The following MKLN1 variants were observed in gnomAD, a reference collection of about 807,000 sequenced individuals.
MKLN1 encodes muskelin.
MKLN1 carries 18 observed loss-of-function variants against 99.0 expected under a neutral mutation model. The ratio of observed to expected loss-of-function variants is 0.18; its 90% CI spans 0.13 to 0.27. The LOEUF is 0.27. Among genes scored for constraint, MKLN1 ranks in the 10% least tolerant of loss-of-function variants. The pLI, the probability that MKLN1 is intolerant of heterozygous loss-of-function variation, is 1.00. For synonymous variants in MKLN1, 288 were observed against 293.2 expected (o/e 0.98, Z 0.18); for missense variants, 621 against 875.9 (o/e 0.71, Z 3.67).
intron 15 of MKLN1, among the ~76,000 whole-genome samples, chr7:131,468,619 G>A (rs1475312373): frequency 2.0e-5 from 3 of 151,926 alleles, no homozygotes; most frequent in Non-Finnish European, 2.9e-5. Flanking sequence ...TTTTTCATAC[G>A]ACATTCAGGT....
chr7:131,440,390 A>C (rs1171987779), intron 10 of MKLN1, among the ~76,000 whole-genome samples: 2 of 152,192 alleles, frequency 1.3e-5, no homozygotes, highest in African/African-American at 4.8e-5. Flanking sequence ...GTAGCAACAG[A>C]GGAAGGAGTT....
chr7:131,140,693 C>T (rs1162769195), intron 1 of MKLN1, among the ~76,000 whole-genome samples: 2 of 152,120 alleles, frequency 1.3e-5, no homozygotes, highest in African/African-American at 4.8e-5. Context: ...GAACTGTGAG[C>T]CAAATAAACC....
intron 10 of MKLN1, among the ~76,000 whole-genome samples, chr7:131,442,322 C>T (rs1025749867): frequency 2.0e-5 from 3 of 152,100 alleles, no homozygotes; most frequent in Admixed American, 6.5e-5. Context: ...CCGAGGCAGG[C>T]GGATCACCTG....
At chr7:131,220,804 C>G (rs1378839470) in intron 3 of MKLN1, among the ~76,000 whole-genome samples, 1 of 152,138 alleles carries the variant, frequency 6.6e-6, no homozygotes, top group South Asian at 2.1e-4. Context: ...TCTGGAGGAA[C>G]AGAGAGGGTA....
Position 131,470,946 on chromosome 7 carries a change from TAAAG to T in MKLN1, c.2031+7_2031+10del, listed in dbSNP as rs756424157. 6.4e-7 allele frequency: 1 copy of T among 1,561,948 alleles called. No homozygotes were observed. The highest frequency in any genetic ancestry group is 8.8e-7 in the Non-Finnish European group (1 of 1,141,488). ...TCAGACCCAGAAGAGACAAAAGAGG[TAAAG>T]AAAGGTGGTAATAAATTTCAGAAAT... On this transcript the variant is annotated splice_donor_5th_base_variant and intron_variant, in intron 16 of 17. Coordinates refer to ENST00000352689, the MANE Select transcript of MKLN1 (RefSeq NM_013255.5).
chr7:131,206,927 C>T (rs1410341637), intron 3 of MKLN1, among the ~76,000 whole-genome samples: 1 of 152,044 alleles, frequency 6.6e-6, no homozygotes, highest in African/African-American at 2.4e-5. Context: ...TAAAATGTTG[C>T]CAAGGCTGAT....
At chr7:131,337,884 A>G (rs1584620182) in intron 1 of MKLN1, among the ~76,000 whole-genome samples, 1 of 152,160 alleles carries the variant, frequency 6.6e-6, no homozygotes, top group Middle Eastern at 3.4e-3. Context: ...TTAGATACAA[A>G]TTTTGTATCT....
At chr7:131,110,966 G>A (rs1795186794) in intron 1 of MKLN1, among the ~76,000 whole-genome samples, 1 of 152,162 alleles carries the variant, frequency 6.6e-6, no homozygotes, top group African/African-American at 2.4e-5. Context: ...TTTGCCACAG[G>A]GGATTCAGAA....
chr7:131,204,971 A>C (rs1584832370), intron 3 of MKLN1, among the ~76,000 whole-genome samples: 1 of 148,728 alleles, frequency 6.7e-6, no homozygotes, highest in Non-Finnish European at 1.5e-5. Flanking sequence ...GGTGGTGGGC[A>C]CCTGTAACCC....
At chr7:131,199,616 C>CT (rs1258593517) in intron 2 of MKLN1, among the ~76,000 whole-genome samples, 1 of 152,142 alleles carries the variant, frequency 6.6e-6, no homozygotes, top group African/African-American at 2.4e-5. Context: ...CTGAGAAGGC[C>CT]TTTATATATC....
At chr7:131,463,423 T>G in intron 13 of MKLN1, 59 bp downstream of exon 13, 2 of 1,518,366 alleles carry the variant, frequency 1.3e-6, no homozygotes, top group Non-Finnish European at 1.8e-6. Context: ...GGTTGTTGGT[T>G]TATTCAAAAA....
intron 1 of MKLN1, among the ~76,000 whole-genome samples, chr7:131,357,963 T>C (rs1234279581): frequency 6.6e-6 from 1 of 152,170 alleles, no homozygotes; most frequent in Non-Finnish European, 1.5e-5. Flanking sequence ...TTTCCAGGAG[T>C]TCATCAGTTC....
At chr7:131,220,206 T>C (rs1797040881) in intron 3 of MKLN1, among the ~76,000 whole-genome samples, 1 of 152,222 alleles carries the variant, frequency 6.6e-6, no homozygotes, top group Non-Finnish European at 1.5e-5. Flanking sequence ...ATTATTCCAA[T>C]GAAAACTATT....
intron 6 of MKLN1, among the ~76,000 whole-genome samples, chr7:131,403,598 T>A (rs1305742589): frequency 6.6e-6 from 1 of 152,212 alleles, no homozygotes; most frequent in South Asian, 2.1e-4. Flanking sequence ...CTAGTTTTTT[T>A]ATTTAAAGTG....
chr7:131,233,453 T>C (rs916173853), intron 3 of MKLN1, among the ~76,000 whole-genome samples: 9 of 151,678 alleles, frequency 5.9e-5, no homozygotes, highest in Admixed American at 3.3e-4. Context: ...TAACATATTT[T>C]CCCTATGATG....
intron 12 of MKLN1, among the ~76,000 whole-genome samples, chr7:131,457,452 A>G (rs756339795): frequency 6.6e-6 from 1 of 152,188 alleles, no homozygotes; most frequent in Non-Finnish European, 1.5e-5. Context: ...AAATGTAAGT[A>G]GGATGGTATG....
intron 2 of MKLN1, among the ~76,000 whole-genome samples, chr7:131,148,747 T>A (rs192603447): frequency 6.6e-6 from 1 of 152,178 alleles, no homozygotes; most frequent in Admixed American, 6.5e-5. Flanking sequence ...ACACTCCAGC[T>A]TGGGTGACAG....
At chr7:131,315,380 A>G (rs1798646507) in intron 3 of MKLN1, among the ~76,000 whole-genome samples, 1 of 152,114 alleles carries the variant, frequency 6.6e-6, no homozygotes, top group African/African-American at 2.4e-5. Flanking sequence ...CCTGGATACT[A>G]TGCTTTTCCC....
intron 6 of MKLN1, among the ~76,000 whole-genome samples, chr7:131,400,509 TAAAA>T (rs779312882): frequency 7.5e-6 from 1 of 133,146 alleles, no homozygotes; most frequent in African/African-American, 2.9e-5. Flanking sequence ...ATGCTACCAA[TAAAA>T]AAAAAATATA....
Sources: gnomAD v4.1 joint callset for allele counts (sites outside exome capture counted in the v4.1 genomes callset) on GRCh38, gnomAD v4.1.1 for gene constraint, MANE v1.5 for transcripts, NCBI Gene and HGNC (gene_info 2026-07-23, HGNC 2026-07-21) for gene names.